Variants in CCT6B observed in about 807,000 individuals in gnomAD.
The protein encoded by CCT6B is probable T-complex protein 1 subunit zeta-2.
In CCT6B, 49 loss-of-function variants were observed where a neutral mutation model predicts 61.5. The observed-to-expected ratio is 0.80, with a 90% CI of 0.63 to 1.01. The LOEUF (loss-of-function observed/expected upper bound fraction) is 1.01. Ranked by LOEUF, CCT6B falls within the 50% of genes least tolerant of loss-of-function variation. The pLI, the probability that CCT6B is intolerant of heterozygous loss-of-function variation, is 0.00. For synonymous variants in CCT6B, 228 were observed against 214.5 expected (o/e 1.06, Z -0.55); for missense variants, 666 against 634.7 (o/e 1.05, Z -0.53).
chr17:34,944,033 T>C (rs2090196524), intron 5 of CCT6B: 1 of 152,162 alleles, frequency 6.6e-6, no homozygotes. Context: ...ATTTTTAAAC[T>C]ATTTTAGTTC....
chr17:34,961,197 G>A (rs1306028878), intron 1 of CCT6B, 60 bp downstream of exon 1: 6 of 1,537,234 alleles, frequency 3.9e-6, no homozygotes, highest in Non-Finnish European at 4.4e-6. Context: ...CTGCCTCAGA[G>A]GGCGACAGGA....
rs550736892 is a variant in CCT6B at position 34,954,599 on chromosome 17, C to G, written c.337G>C (p.Gly113Arg). 5.0e-6 allele frequency: 8 copies of G among 1,590,488 alleles called. No individual in the cohort carries two copies. The highest frequency in any genetic ancestry group is 1.7e-4 in the Middle Eastern group (1 of 5,990). ...LKQADLYISE[G>R]LHPRIIAEGF... is the part of the protein sequence containing the mutation. ...TCAGCTATTATTCTAGGGTGCAGGCCCTGTTACATCAACATAAAATTATAA... is the reference window on the plus strand; with the variant it reads ...TCAGCTATTATTCTAGGGTGCAGGCGCTGTTACATCAACATAAAATTATAA... Residue 113 changes from glycine (G) to arginine (R), a missense_variant and splice_region_variant, in exon 4 of 14, where the codon GGC becomes CGC. Physicochemically the swap from Gly to Arg is moderately radical, Grantham distance 125 (BLOSUM62 -2). Transcript: ENST00000314144.
chr17:34,930,051 TTC>T (rs1217976632), intron 12 of CCT6B, among the ~76,000 whole-genome samples: 4 of 152,050 alleles, frequency 2.6e-5, no homozygotes, highest in African/African-American at 9.7e-5. Flanking sequence ...GCCAGAGTGA[TTC>T]TCTTAAACAT....
intron 10 of CCT6B, among the ~76,000 whole-genome samples, chr17:34,936,981 C>T (rs183159544): frequency 1.8e-3 from 269 of 152,052 alleles, no homozygotes; most frequent in African/African-American, 6.0e-3. Flanking sequence ...CATAATGAGA[C>T]GTTGTCTCTA....
intron 3 of CCT6B, among the ~76,000 whole-genome samples, chr17:34,955,918 T>C (rs2090342711): frequency 6.6e-6 from 1 of 152,164 alleles, no homozygotes; most frequent in African/African-American, 2.4e-5. Flanking sequence ...TTTAAACCCA[T>C]GAGACCTGAC....
At chr17:34,937,270 C>T (rs1303999487) in intron 10 of CCT6B, among the ~76,000 whole-genome samples, 1 of 151,010 alleles carries the variant, frequency 6.6e-6, no homozygotes, top group Non-Finnish European at 1.5e-5. Flanking sequence ...TTAGAATGAC[C>T]AAAATAACTT....
chr17:34,947,340 A>G (rs1293440023), intron 5 of CCT6B, among the ~76,000 whole-genome samples: 1 of 152,204 alleles, frequency 6.6e-6, no homozygotes, highest in Non-Finnish European at 1.5e-5. Context: ...AAAGAAATCC[A>G]TACCTAGCTA....
chr17:34,939,804 T>C (rs1160998088), intron 8 of CCT6B, 91 bp from the exon 9 acceptor site: 1 of 816,714 alleles, frequency 1.2e-6, no homozygotes, highest in Non-Finnish European at 2.1e-6. Flanking sequence ...GAAGACTGTA[T>C]TGTTACTGTA....
Position 34,932,366 on chromosome 17 carries a change from C to A in CCT6B, c.1347+1G>T, listed in dbSNP as rs1183588889. On this transcript the variant is annotated splice_donor_variant, in intron 11 of 13. Coordinates refer to ENST00000314144, the MANE Select transcript of CCT6B (RefSeq NM_006584.4). LOFTEE classifies it high-confidence loss of function. ...TTATTTGGCCGAAAGGGTAGTTGTA[C>A]CTTGGGAATAATGAGTAAGGCATCA... The A allele has an allele frequency of 6.2e-7, 1 of 1,604,670 alleles. No homozygotes were observed. Among genetic ancestry groups the A allele is most frequent in the South Asian group, 1.1e-5 (1 of 88,830 alleles).
Position 34,954,422 on chromosome 17 carries a change from A to T in CCT6B, c.510+4T>A. 6.3e-7 allele frequency: 1 copy of T among 1,595,484 alleles called. No homozygotes were observed. The highest frequency in any genetic ancestry group is 8.5e-7 in the Non-Finnish European group (1 of 1,173,396). On this transcript the variant is annotated splice_donor_region_variant and intron_variant, in intron 4 of 13. Transcript: ENST00000314144. Reference sequence around the variant, plus strand: ...GTTCTGAATGCAAAAGTTTAATAACATACCTCTGTTAAGACATCAGCCAGT... The same window carrying T: ...GTTCTGAATGCAAAAGTTTAATAACTTACCTCTGTTAAGACATCAGCCAGT...
At chr17:34,953,578 C>T (rs2090316520) in intron 4 of CCT6B, among the ~76,000 whole-genome samples, 1 of 152,078 alleles carries the variant, frequency 6.6e-6, no homozygotes, top group Non-Finnish European at 1.5e-5. Context: ...CGTCTCCCCA[C>T]CTCGGCCTCC....
At chr17:34,960,131 A>T (rs964782650) in intron 1 of CCT6B, among the ~76,000 whole-genome samples, 1 of 152,206 alleles carries the variant, frequency 6.6e-6, no homozygotes. Context: ...TGGCATCCGG[A>T]TATCTCCAAA....
chr17:34,956,678 C>T (rs1412565462), intron 3 of CCT6B, among the ~76,000 whole-genome samples: 1 of 152,140 alleles, frequency 6.6e-6, no homozygotes, highest in Non-Finnish European at 1.5e-5. Context: ...TTGGGATGGA[C>T]ATAATACTAA....
At chr17:34,932,322 C>A in intron 11 of CCT6B, 45 bp downstream of exon 11, 2 of 1,554,684 alleles carry the variant, frequency 1.3e-6, no homozygotes, top group Non-Finnish European at 1.7e-6. Flanking sequence ...AATTAAACAC[C>A]TTTATGTCTA....
Position 34,959,570 on chromosome 17 carries a change from C to T in CCT6B, c.201+17G>A, listed in dbSNP as rs1184824050. On this transcript the variant is annotated intron_variant, in intron 2 of 13. Coordinates refer to ENST00000314144, the MANE Select transcript of CCT6B (RefSeq NM_006584.4). ...AAGGCTTATTAAGGTTTATTAAAGT[C>T]AGCAGCATCAGCTCACCATCTCATC... 1.9e-6 allele frequency: 3 copies of T among 1,594,368 alleles called. No individual in the cohort carries two copies. In the African/African-American group the frequency reaches 4.0e-5, roughly 21 times the overall value.
intron 12 of CCT6B, among the ~76,000 whole-genome samples, chr17:34,929,276 T>C (rs1359770097): frequency 6.6e-6 from 1 of 152,142 alleles, no homozygotes; most frequent in Admixed American, 6.6e-5. Flanking sequence ...TCTGGTTTTC[T>C]TTCTTTTGCA....
intron 10 of CCT6B, among the ~76,000 whole-genome samples, chr17:34,934,092 G>T (rs1423090163): frequency 6.9e-6 from 1 of 145,472 alleles, no homozygotes; most frequent in Non-Finnish European, 1.5e-5. Flanking sequence ...CCATGCCACT[G>T]CACTCCAGCC....
chr17:34,933,608 G>A (rs1476765842), intron 10 of CCT6B, among the ~76,000 whole-genome samples: 2 of 152,008 alleles, frequency 1.3e-5, no homozygotes, highest in African/African-American at 2.4e-5. Context: ...ATGATATAAA[G>A]AATAAATGCA....
chr17:34,952,133 A>C lies in CCT6B; in HGVS notation c.511-80T>G. On this transcript the variant is annotated intron_variant, in intron 4 of 13. Coordinates refer to ENST00000314144, the MANE Select transcript of CCT6B (RefSeq NM_006584.4). ...AAGGGCCCAAACAATCTATCACCAG[A>C]CTAAGGAGATAAAAGCCTTCAGGAT... 4.9e-6 allele frequency: 4 copies of C among 824,604 alleles called. No individual in the cohort carries two copies. The African/African-American group carries it at 6.9e-5, about 14-fold the overall frequency. 51.1% of individuals were successfully genotyped at this position (824,604 alleles called of 1,614,324 possible).
Sources: allele counts gnomAD v4.1 joint callset (sites outside exome capture counted in the v4.1 genomes callset), GRCh38; gene constraint gnomAD v4.1.1; transcripts MANE v1.5; gene names NCBI Gene and HGNC (gene_info 2026-07-23, HGNC 2026-07-21).